The following TRPC3 variants were observed in gnomAD, a reference collection of about 807,000 sequenced individuals.
TRPC3 encodes transient receptor potential cation channel subfamily C member 3, also known as short transient receptor potential channel 3.
TRPC3 carries 54 observed loss-of-function variants against 90.9 expected under a neutral mutation model. That is an observed-to-expected ratio of 0.59 (90% confidence interval 0.48 to 0.75). TRPC3 has a LOEUF of 0.75. Ranked by LOEUF, TRPC3 falls within the 30% of genes least tolerant of loss-of-function variation. The probability of loss-of-function intolerance (pLI) is 0.00; values close to 1 mark genes in which losing one functional copy is unlikely to be tolerated. For missense variants in TRPC3, 918 were observed against 1,194.5 expected, an observed-to-expected ratio of 0.77 and a Z score of 3.41; for synonymous variants, 424 against 450.9, an observed-to-expected ratio of 0.94 and a Z score of 0.75.
rs1344373867 is a variant in TRPC3, at chr4:121,874,951, C to T, written c.*4785G>A. On this transcript the variant is annotated 3_prime_UTR_variant, in exon 12 of 12. Coordinates refer to ENST00000379645, the MANE Select transcript of TRPC3 (RefSeq NM_001130698.2). Reference sequence around the variant, plus strand: ...TCCAGCCTGGGCAAAATAGCAAGGCCCCATCTCTAAAAAACAAACAAAAAA... The same window carrying T: ...TCCAGCCTGGGCAAAATAGCAAGGCTCCATCTCTAAAAAACAAACAAAAAA... Among the ~76,000 whole-genome samples the T allele has an allele frequency of 6.6e-6, 1 of 151,332 alleles. No individual in the cohort carries two copies. Among genetic ancestry groups the T allele is most frequent in the African/African-American group, 2.4e-5 (1 of 41,176 alleles).
Position 121,951,472 on chromosome 4 carries a change from G to A in TRPC3, c.209C>T (p.Pro70Leu), listed in dbSNP as rs753142596. The A allele has an allele frequency of 2.4e-5, 31 of 1,306,022 alleles. No individual in the cohort carries two copies. The highest frequency in any genetic ancestry group is 1.3e-4 in the South Asian group (6 of 45,788). 80.9% of individuals were successfully genotyped at this position (1,306,022 alleles called of 1,614,324 possible). ...GGCCGGGCCCGGTACTCACAGGTCC[G>A]GCCCGTGGGAGAAGGGCGGCGGGCA... ...GYCPPPFSHG[P>L]DLSMEGSPSL... The change falls in exon 1 of 12, where the codon CCG (proline) becomes CTG (leucine). Residue 70 changes from proline (P) to leucine (L), a missense_variant. Coordinates refer to ENST00000379645, the MANE Select transcript of TRPC3 (RefSeq NM_001130698.2). This position sits in a 1 kb window ranked among gnomAD's most constrained non-coding sequence, Gnocchi z 4.4.
In TRPC3 at chr4:121,950,315, G is replaced by A. The variant is rs115991523; in HGVS notation, c.215+1151C>T. Among the ~76,000 whole-genome samples the A allele has an allele frequency of 9.5e-3, 1,444 of 152,356 alleles. 22 individuals are homozygous for A. Among genetic ancestry groups the A allele is most frequent in the African/African-American group, 0.033 (1,356 of 41,580 alleles). On this transcript the variant is annotated intron_variant, in intron 1 of 11. Transcript: ENST00000379645. Reference sequence around the variant, plus strand: ...TCCTGGGGATGCAGGGGTCATCCCGGAGGTCTCGGCCTCGGGCGGTGGGCC... The same window carrying A: ...TCCTGGGGATGCAGGGGTCATCCCGAAGGTCTCGGCCTCGGGCGGTGGGCC...
At chr4:121,888,401 G>C (rs75206451) in intron 10 of TRPC3, among the ~76,000 whole-genome samples, 1,618 of 152,096 alleles carry the variant, frequency 0.011, 24 homozygotes, top group African/African-American at 0.037. Flanking sequence ...TCAGTAACTA[G>C]AAAAAAATGA....
chr4:121,909,114 C>T (rs1344336066), intron 6 of TRPC3, among the ~76,000 whole-genome samples: 1 of 152,070 alleles, frequency 6.6e-6, no homozygotes, highest in Non-Finnish European at 1.5e-5. Context: ...GTCAAGATAC[C>T]TAAAATACAA....
In TRPC3 at chr4:121,903,009, T is replaced by C. The variant is rs1728755270; in HGVS notation, c.2306A>G (p.Tyr769Cys). The C allele has an allele frequency of 6.2e-7, 1 of 1,613,500 alleles. No homozygotes were observed. Among genetic ancestry groups the C allele is most frequent in the Non-Finnish European group, 8.5e-7 (1 of 1,179,764 alleles). ...KFARSKLWLS[Y>C]FDDGKTLPPP... ...AGGTAATGTTTTTCCATCATCAAAA[T>C]AGGATAACCAAAGTTTTGAACGAGC... The change falls in exon 9 of 12, where the codon TAT (tyrosine) becomes TGT (cysteine). Residue 769 changes from tyrosine to cysteine, a missense_variant. Around this residue, in one of 4 missense-constraint regions of TRPC3, gnomAD observed 121 missense variants for 135.7 expected, o/e 0.89. Transcript: ENST00000379645.
chr4:121,926,645 G>A (rs1729724741), intron 2 of TRPC3, among the ~76,000 whole-genome samples: 2 of 152,092 alleles, frequency 1.3e-5, no homozygotes, highest in Non-Finnish European at 2.9e-5. Flanking sequence ...GACCTCAAAT[G>A]ATCCACCCAC....
chr4:121,879,801 C>T lies in TRPC3; in HGVS notation c.2701G>A (p.Glu901Lys), dbSNP rs200028855. The change falls in exon 12 of 12, where the codon GAA becomes AAA. Residue 901 changes from glutamate to lysine, a missense_variant. Physicochemically the swap from Glu to Lys is moderately conservative, Grantham distance 56 (BLOSUM62 1). Around this residue, in one of 4 missense-constraint regions of TRPC3, gnomAD observed 41 missense variants for 69.4 expected, o/e 0.59. Coordinates refer to ENST00000379645, the MANE Select transcript of TRPC3 (RefSeq NM_001130698.2). ...LLEDKSQATEELAILIHKLSE... is the reference protein window; with the variant it reads ...LLEDKSQATEKLAILIHKLSE... ...AGTTTATGAATTAGAATGGCTAATTCCTCAGTTGCTTGGCTCTTGTCTTCC... is the reference window on the plus strand; with the variant it reads ...AGTTTATGAATTAGAATGGCTAATTTCTCAGTTGCTTGGCTCTTGTCTTCC... 3.4e-5 allele frequency: 55 copies of T among 1,608,146 alleles called. No individual in the cohort carries two copies. Among genetic ancestry groups the T allele is most frequent in the Non-Finnish European group, 4.1e-5 (48 of 1,178,178 alleles).
At chr4:121,894,957 T>A (rs1367038262) in intron 10 of TRPC3, among the ~76,000 whole-genome samples, 1 of 152,086 alleles carries the variant, frequency 6.6e-6, no homozygotes, top group African/African-American at 2.4e-5. Context: ...CAAAATTATA[T>A]CAAGTATTTT....
In TRPC3 at chr4:121,875,040, A is replaced by C. The variant is rs753264194; in HGVS notation, c.*4696T>G. The stretch of plus-strand genomic sequence containing the variant: ...AATATGTCACAACAATGTTTAAATG[A>C]AAACAAAAATATAGGAGAAAAGAGT... On this transcript the variant is annotated 3_prime_UTR_variant, in exon 12 of 12. Transcript: ENST00000379645. Among the ~76,000 whole-genome samples, 20 of 152,180 alleles carry C rather than the reference A, an allele frequency of 1.3e-4. No individual in the cohort carries two copies. The highest frequency in any genetic ancestry group is 3.3e-4 in the Admixed American group (5 of 15,290).
At chr4:121,899,276 C>A (rs1157619527) in intron 10 of TRPC3, among the ~76,000 whole-genome samples, 2 of 152,192 alleles carry the variant, frequency 1.3e-5, no homozygotes, top group African/African-American at 4.8e-5. Flanking sequence ...CATACTCTGT[C>A]TTCTACTGCT....
At chr4:121,946,820 A>T (rs1385015789) in intron 1 of TRPC3, among the ~76,000 whole-genome samples, 1 of 152,206 alleles carries the variant, frequency 6.6e-6, no homozygotes, top group African/African-American at 2.4e-5. Flanking sequence ...AACAAAAATG[A>T]TGACTCATTG....
rs376584484 is a variant in TRPC3, at chr4:121,939,862, C to G, written c.216-6820G>C. Among the ~76,000 whole-genome samples the G allele has an allele frequency of 2.0e-5, 3 of 152,300 alleles. No individual in the cohort carries two copies. The South Asian group carries it at 6.2e-4, about 32-fold the overall frequency. ...GTAGACATAGAACAGTGCCCAGAGACCAGAAGAGTTAGAGGACACTAACTC... is the reference window on the plus strand; with the variant it reads ...GTAGACATAGAACAGTGCCCAGAGAGCAGAAGAGTTAGAGGACACTAACTC... On this transcript the variant is annotated intron_variant, in intron 1 of 11. Transcript: ENST00000379645.
intron 10 of TRPC3, among the ~76,000 whole-genome samples, chr4:121,892,837 A>T (rs1728376429): frequency 6.6e-6 from 1 of 152,076 alleles, no homozygotes; most frequent in African/African-American, 2.4e-5. Context: ...AATAAGGAAG[A>T]GGTTGGGTGC....
At chr4:121,900,713 G>A (rs1333243151) in intron 9 of TRPC3, among the ~76,000 whole-genome samples, 1 of 152,154 alleles carries the variant, frequency 6.6e-6, no homozygotes, top group African/African-American at 2.4e-5. Context: ...TTCAATACAT[G>A]AAGAGTATCT....
At chr4:121,943,475 A>T (rs1040349111) in intron 1 of TRPC3, among the ~76,000 whole-genome samples, 5 of 152,286 alleles carry the variant, frequency 3.3e-5, no homozygotes, top group African/African-American at 1.2e-4. Context: ...AACAGGAGAT[A>T]AATCTTAAAA....
intron 6 of TRPC3, among the ~76,000 whole-genome samples, chr4:121,908,095 T>C (rs1415869316): frequency 6.6e-6 from 1 of 152,150 alleles, no homozygotes; most frequent in African/African-American, 2.4e-5. Context: ...GCAATATAAC[T>C]TGTCCCCGAA....
intron 10 of TRPC3, among the ~76,000 whole-genome samples, chr4:121,891,045 T>C (rs1168878362): frequency 6.6e-6 from 1 of 151,962 alleles, no homozygotes; most frequent in African/African-American, 2.4e-5. Context: ...TTGATACAGA[T>C]CCATCTATAG....
At chr4:121,943,077 C>T (rs1730372114) in intron 1 of TRPC3, among the ~76,000 whole-genome samples, 1 of 152,176 alleles carries the variant, frequency 6.6e-6, no homozygotes, top group African/African-American at 2.4e-5. Context: ...TTTTCATCTC[C>T]ATATGCTTGG....
At position 121,882,349 on chromosome 4, in the gene TRPC3, C is replaced by A. The variant is rs1560682100; in HGVS notation, c.2623+5G>T. On this transcript the variant is annotated splice_donor_5th_base_variant and intron_variant, in intron 11 of 11. Coordinates refer to ENST00000379645, the MANE Select transcript of TRPC3 (RefSeq NM_001130698.2). ...AAGGATATTTTTTAAGTTGGAGATG[C>A]TTACCTTCATTAACTTCATCATTTT... 9 of 1,606,062 alleles carry A rather than the reference C, an allele frequency of 5.6e-6. No individual in the cohort carries two copies. The highest frequency in any genetic ancestry group is 1.3e-5 in the African/African-American group (1 of 74,384).
Sources: allele counts gnomAD v4.1 joint callset (sites outside exome capture counted in the v4.1 genomes callset), GRCh38; gene constraint gnomAD v4.1.1; regional missense constraint gnomAD v4.1.1; non-coding constraint Gnocchi (gnomAD v3.1); transcripts MANE v1.5; gene names NCBI Gene and HGNC (gene_info 2026-07-23, HGNC 2026-07-21).